RAB5C: variants seen among roughly 807,000 people sequenced by gnomAD.
The protein encoded by RAB5C is RAB5C, member RAS oncogene family.
A neutral mutation model predicts 25.2 loss-of-function variants in RAB5C; 4 were observed. That is an observed-to-expected ratio of 0.16 (90% CI 0.08 to 0.36). The LOEUF is 0.36. RAB5C is among the 10% of genes least tolerant of loss of function. The probability of loss-of-function intolerance (pLI) is 1.00; values close to 1 mark genes in which losing one functional copy is unlikely to be tolerated. For synonymous variants in RAB5C, 100 were observed against 106.4 expected, an observed-to-expected ratio of 0.94 and a Z score of 0.37; for missense variants, 199 against 283.8, an observed-to-expected ratio of 0.70 and a Z score of 2.15.
chr17:42,146,981 CA>C (rs1240718269), intron 1 of RAB5C, among the ~76,000 whole-genome samples: 1 of 150,192 alleles, frequency 6.7e-6, no homozygotes, highest in Non-Finnish European at 1.5e-5. Flanking sequence ...GCCTGGGCGA[CA>C]AGGCAAGACT....
In RAB5C at chr17:42,126,774, G is replaced by A. The variant is rs147169833; in HGVS notation, c.516C>T (p.Asn172=). The change falls in exon 5 of 6, where the codon AAC becomes AAT. Residue 172 remains asparagine (N), a synonymous_variant. Coordinates refer to ENST00000346213, the MANE Select transcript of RAB5C (RefSeq NM_004583.4). ...ACTGACCTATTGCCATGAAGATTTC[G>A]TTCACGTTCATTGCAGTCTTTGCTG... ...ETSAKTAMNV[N]EIFMAIAKKL... 60 of 1,611,422 alleles carry A rather than the reference G, an allele frequency of 3.7e-5. No homozygotes were observed. The highest frequency in any genetic ancestry group is 5.4e-5 in the African/African-American group (4 of 74,734).
At chr17:42,140,505 ATATATATATATTTTTTTTTTTTT>A (rs1397886419) in intron 1 of RAB5C, among the ~76,000 whole-genome samples, 23 of 71,532 alleles carry the variant, frequency 3.2e-4, no homozygotes, top group African/African-American at 1.3e-3. Context: ...ATATATATAT[ATATATATATATTTTTTTTTTTTT>A]TTTTTTTTTT....
intron 1 of RAB5C, 111 bp downstream of exon 1, chr17:42,154,782 G>A (rs1032756695): frequency 6.6e-6 from 1 of 152,354 alleles, no homozygotes; most frequent in African/African-American, 2.4e-5. Flanking sequence ...GGGGCTACGG[G>A]TCGGGGGAGG....
chr17:42,144,655 G>A (rs2079621465), intron 1 of RAB5C, among the ~76,000 whole-genome samples: 1 of 151,808 alleles, frequency 6.6e-6, no homozygotes, highest in Non-Finnish European at 1.5e-5. Context: ...CAGGGTGGGC[G>A]TGGTGGCTCA....
rs565682714 is a variant in RAB5C at position 42,131,501 on chromosome 17, C to T, written c.-88-911G>A. The T allele has an allele frequency of 9.3e-5, 110 of 1,186,276 alleles. No individual in the cohort carries two copies. In the South Asian group the frequency reaches 1.4e-3, roughly 15 times the overall value. 73.5% of individuals were successfully genotyped at this position (1,186,276 alleles called of 1,614,324 possible). On this transcript the variant is annotated intron_variant, in intron 1 of 5. Coordinates refer to ENST00000346213, the MANE Select transcript of RAB5C (RefSeq NM_004583.4). The stretch of plus-strand genomic sequence containing the variant: ...ACAGAAATACACACCAAAACAGACA[C>T]CAAAACAAAACACACACCGAAACAA...
chr17:42,143,752 C>T (rs552838848), intron 1 of RAB5C, among the ~76,000 whole-genome samples: 1 of 152,292 alleles, frequency 6.6e-6, no homozygotes, highest in Admixed American at 6.5e-5. Flanking sequence ...AAAGCTGAAA[C>T]ATTTTGGGCA....
intron 1 of RAB5C, among the ~76,000 whole-genome samples, chr17:42,140,493 ATATATATATATATATATATATATTT>A (rs1469724732): frequency 2.9e-5 from 2 of 68,838 alleles, no homozygotes; most frequent in Non-Finnish European, 5.8e-5. Context: ...GAATATATAT[ATATATATATATATATATATATATTT>A]TTTTTTTTTT....
intron 3 of RAB5C, 32 bp from the exon 4 acceptor site, chr17:42,128,415 CAG>C (rs1385945097): frequency 6.3e-7 from 1 of 1,598,670 alleles, no homozygotes; most frequent in Admixed American, 1.7e-5. Context: ...GTCGAAGGGA[CAG>C]AGAAGGCATT....
At chr17:42,138,029 G>A (rs1351705079) in intron 1 of RAB5C, among the ~76,000 whole-genome samples, 2 of 152,174 alleles carry the variant, frequency 1.3e-5, no homozygotes, top group Non-Finnish European at 2.9e-5. Context: ...ATATATTAAG[G>A]ATATATTTAC....
chr17:42,127,302 C>A (rs546032560), intron 4 of RAB5C, among the ~76,000 whole-genome samples: 3 of 152,068 alleles, frequency 2.0e-5, no homozygotes, highest in Admixed American at 2.0e-4. Flanking sequence ...TTAAAAAACA[C>A]GTGCATATTT....
At chr17:42,126,167 A>G (rs931390073) in intron 5 of RAB5C, among the ~76,000 whole-genome samples, 1 of 152,100 alleles carries the variant, frequency 6.6e-6, no homozygotes, top group African/African-American at 2.4e-5. Context: ...AAAAACTCCT[A>G]GGCAGTGGGT....
At chr17:42,131,665 G>A in intron 1 of RAB5C, 1 of 1,504,784 alleles carries the variant, frequency 6.6e-7, no homozygotes, top group Non-Finnish European at 8.9e-7. Context: ...GAGGCAGGAG[G>A]TGTGGGAGGG....
intron 1 of RAB5C, among the ~76,000 whole-genome samples, chr17:42,140,370 A>G (rs1394273739): frequency 1.3e-5 from 2 of 151,560 alleles, no homozygotes. Flanking sequence ...GACACCACAC[A>G]CACCGTGGTC....
intron 1 of RAB5C, among the ~76,000 whole-genome samples, chr17:42,140,516 T>TATATATATATA (rs61570185): frequency 2.3e-4 from 3 of 12,906 alleles, no homozygotes; most frequent in African/African-American, 3.1e-4. Context: ...TATATATATA[T>TATATATATATA]TTTTTTTTTT....
At chr17:42,152,747 C>A (rs2079680193) in intron 1 of RAB5C, among the ~76,000 whole-genome samples, 2 of 151,344 alleles carry the variant, frequency 1.3e-5, no homozygotes, top group African/African-American at 4.9e-5. Context: ...CCACTGCACT[C>A]CAGCCTGGGT....
At chr17:42,129,758 G>A (rs993242637) in intron 2 of RAB5C, among the ~76,000 whole-genome samples, 1 of 152,218 alleles carries the variant, frequency 6.6e-6, no homozygotes, top group South Asian at 2.1e-4. Context: ...GATGACTCAA[G>A]GCCAAGGCCA....
intron 5 of RAB5C, 194 bp downstream of exon 5, chr17:42,126,561 G>T (rs2054425693): frequency 3.0e-6 from 1 of 333,274 alleles, no homozygotes; most frequent in African/African-American, 2.2e-5. Flanking sequence ...GAACCTGGGG[G>T]GCGGAGCTTG....
At chr17:42,140,749 C>G (rs940076656) in intron 1 of RAB5C, among the ~76,000 whole-genome samples, 1 of 151,950 alleles carries the variant, frequency 6.6e-6, no homozygotes, top group African/African-American at 2.4e-5. Flanking sequence ...TGGTCTCGAA[C>G]TCCTAACCTC....
chr17:42,140,531 T>A (rs1251691195), intron 1 of RAB5C, among the ~76,000 whole-genome samples: 42 of 115,770 alleles, frequency 3.6e-4, no homozygotes, highest in African/African-American at 1.4e-3. Context: ...TTTTTTTTTT[T>A]TTTTTTTTTT....
Sources: gnomAD v4.1 joint callset for allele counts (sites outside exome capture counted in the v4.1 genomes callset) on GRCh38, gnomAD v4.1.1 for gene constraint, MANE v1.5 for transcripts, NCBI Gene and HGNC (gene_info 2026-07-23, HGNC 2026-07-21) for gene names.